GPC6: variants seen among roughly 807,000 people sequenced by gnomAD.
GPC6 encodes the protein glypican-6.
GPC6 carries 14 observed loss-of-function variants against 55.2 expected under a neutral mutation model. The observed-to-expected ratio is 0.25, with a 90% CI of 0.17 to 0.40. The LOEUF (loss-of-function observed/expected upper bound fraction) is 0.40, where lower values mean the gene tolerates loss of function less well. Ranked by LOEUF, GPC6 falls within the 10% of genes least tolerant of loss-of-function variation. The pLI is 1.00. For synonymous variants in GPC6, 278 were observed against 259.6 expected, an observed-to-expected ratio of 1.07 and a Z score of -0.68; for missense variants, 641 against 708.5, an observed-to-expected ratio of 0.90 and a Z score of 1.08.
chr13:93,285,104 T>C (rs1046979502), intron 1 of GPC6, among the ~76,000 whole-genome samples: 4 of 152,130 alleles, frequency 2.6e-5, no homozygotes, highest in African/African-American at 4.8e-5. Flanking sequence ...CTGGATTACA[T>C]AGTGGGACAG....
intron 1 of GPC6, among the ~76,000 whole-genome samples, chr13:93,482,788 C>T (rs563541805): frequency 1.3e-5 from 2 of 152,226 alleles, no homozygotes; most frequent in East Asian, 3.9e-4. Flanking sequence ...ATGTATGAAA[C>T]AAAGAGTTGT....
chr13:93,805,941 G>A (rs1886531271), intron 2 of GPC6, among the ~76,000 whole-genome samples: 1 of 152,114 alleles, frequency 6.6e-6, no homozygotes, highest in Non-Finnish European at 1.5e-5. Context: ...TCTTAGTCCT[G>A]TGGATTCTGG....
At chr13:94,134,939 G>A (rs1887129583) in intron 4 of GPC6, among the ~76,000 whole-genome samples, 1 of 152,162 alleles carries the variant, frequency 6.6e-6, no homozygotes, top group Non-Finnish European at 1.5e-5. Flanking sequence ...TTAAAGTTCA[G>A]CAGCAAAGTC....
chr13:94,155,986 G>C (rs1006948013), intron 4 of GPC6, among the ~76,000 whole-genome samples: 1 of 152,148 alleles, frequency 6.6e-6, no homozygotes, highest in Admixed American at 6.6e-5. Flanking sequence ...TTCGAAGGAT[G>C]AGGAAAGAAG....
intron 1 of GPC6, among the ~76,000 whole-genome samples, chr13:93,541,485 A>C (rs1252380124): frequency 1.3e-5 from 1 of 78,982 alleles, no homozygotes; most frequent in East Asian, 2.7e-4. Context: ...CGCAATAAAC[A>C]TACGTGTGCA....
intron 2 of GPC6, among the ~76,000 whole-genome samples, chr13:93,807,583 G>A (rs1223884701): frequency 3.3e-5 from 5 of 152,116 alleles, no homozygotes; most frequent in South Asian, 2.1e-4. Context: ...ACAAGTTTCC[G>A]GTTGGTTCTG....
chr13:93,268,498 G>A (rs1877401073), intron 1 of GPC6, among the ~76,000 whole-genome samples: 2 of 152,238 alleles, frequency 1.3e-5, no homozygotes, highest in Middle Eastern at 3.4e-3. Flanking sequence ...GAATCTGCAA[G>A]TACAGTTCCT....
intron 1 of GPC6, among the ~76,000 whole-genome samples, chr13:93,319,076 T>A (rs1315530246): frequency 6.6e-6 from 1 of 152,104 alleles, no homozygotes; most frequent in Non-Finnish European, 1.5e-5. Flanking sequence ...ACTGGCAGAC[T>A]GGCCTATAAC....
chr13:94,252,799 A>C (rs144739278), intron 4 of GPC6, among the ~76,000 whole-genome samples: 31 of 152,178 alleles, frequency 2.0e-4, no homozygotes, highest in African/African-American at 7.0e-4. Context: ...GTGTAAATGG[A>C]CTGTGATGAG....
chr13:93,809,093 T>C (rs974720001), intron 2 of GPC6, among the ~76,000 whole-genome samples: 1 of 152,172 alleles, frequency 6.6e-6, no homozygotes, highest in Non-Finnish European at 1.5e-5. Context: ...ATTGTATTGA[T>C]TTACTTTAGA....
chr13:93,341,707 TTC>T (rs1282350317), intron 1 of GPC6, among the ~76,000 whole-genome samples: 2 of 151,446 alleles, frequency 1.3e-5, no homozygotes, highest in Non-Finnish European at 2.9e-5. Flanking sequence ...TTTTTTTTTT[TTC>T]TTTTTTTTGC....
At chr13:93,479,795 A>T (rs1308634673) in intron 1 of GPC6, among the ~76,000 whole-genome samples, 1 of 152,222 alleles carries the variant, frequency 6.6e-6, no homozygotes, top group African/African-American at 2.4e-5. Flanking sequence ...GAGAGTTCAT[A>T]TAGAAGGCTG....
At chr13:93,926,827 C>T (rs1284969392) in intron 3 of GPC6, among the ~76,000 whole-genome samples, 2 of 152,080 alleles carry the variant, frequency 1.3e-5, no homozygotes, top group African/African-American at 4.8e-5. Context: ...AAATAGAAGA[C>T]AGACACTGTT....
chr13:93,790,311 C>T (rs1367295011), intron 2 of GPC6, among the ~76,000 whole-genome samples: 1 of 152,104 alleles, frequency 6.6e-6, no homozygotes, highest in African/African-American at 2.4e-5. Flanking sequence ...CATTATTATA[C>T]AATAGGGCAT....
intron 3 of GPC6, among the ~76,000 whole-genome samples, chr13:93,942,989 A>C (rs894591827): frequency 1.3e-4 from 19 of 151,984 alleles, no homozygotes; most frequent in African/African-American, 3.9e-4. Context: ...AACTCAACTC[A>C]AGCATATGGC....
chr13:93,686,825 T>G (rs138500334), intron 2 of GPC6, among the ~76,000 whole-genome samples: 52 of 152,290 alleles, frequency 3.4e-4, no homozygotes, highest in Admixed American at 2.0e-3. Flanking sequence ...TTTTTTGGTA[T>G]TCTTCATTTA....
chr13:94,045,538 CAA>C (rs1486304259), intron 4 of GPC6, among the ~76,000 whole-genome samples: 1 of 151,716 alleles, frequency 6.6e-6, no homozygotes, highest in Non-Finnish European at 1.5e-5. Flanking sequence ...TACAGCAAGA[CAA>C]AGTGACTTGC....
chr13:93,427,175 C>T (rs1057138861), intron 1 of GPC6, among the ~76,000 whole-genome samples: 10 of 151,948 alleles, frequency 6.6e-5, no homozygotes, highest in Non-Finnish European at 1.0e-4. Context: ...AAATTTTCTC[C>T]CATTTTGTAG....
At chr13:93,320,810 C>T (rs1230233607) in intron 1 of GPC6, among the ~76,000 whole-genome samples, 1 of 152,080 alleles carries the variant, frequency 6.6e-6, no homozygotes, top group Non-Finnish European at 1.5e-5. Flanking sequence ...TAATGCTTTA[C>T]AAATAAGAAC....
Sources: allele counts gnomAD v4.1 joint callset (sites outside exome capture counted in the v4.1 genomes callset), GRCh38; gene constraint gnomAD v4.1.1; transcripts MANE v1.5; gene names NCBI Gene and HGNC (gene_info 2026-07-23, HGNC 2026-07-21).